CHRNA5: variants seen among roughly 807,000 people sequenced by gnomAD.
CHRNA5 encodes the protein cholinergic receptor nicotinic alpha 5 subunit, also known as neuronal acetylcholine receptor subunit alpha-5.
Under a neutral mutation model 41.2 loss-of-function variants are expected in CHRNA5, and 28 were observed. The observed-to-expected ratio is 0.68, with a 90% CI of 0.50 to 0.93. The LOEUF is 0.93. Ranked by LOEUF, CHRNA5 falls within the 40% of genes least tolerant of loss-of-function variation. CHRNA5 has a pLI of 0.00. For synonymous variants in CHRNA5, 188 were observed against 205.8 expected (o/e 0.91, Z 0.74); for missense variants, 481 against 581.9 (o/e 0.83, Z 1.78).
At chr15:78,593,195 T>C (rs1456048111) in exon 6 of CHRNA5, 1 of 1,613,750 alleles carries the variant, frequency 6.2e-7, no homozygotes, top group South Asian at 1.1e-5. Context: ...TTTGTTCCTG[T>C]TATTTATAAA....
chr15:78,569,680 G>T (rs1446413808), intron 1 of CHRNA5, among the ~76,000 whole-genome samples: 3 of 152,046 alleles, frequency 2.0e-5, no homozygotes, highest in Non-Finnish European at 4.4e-5. Context: ...TGACCCGCCC[G>T]CCTCGGCGTC....
chr15:78,575,626 C>T (rs1418057129), intron 1 of CHRNA5, among the ~76,000 whole-genome samples: 1 of 152,156 alleles, frequency 6.6e-6, no homozygotes, highest in African/African-American at 2.4e-5. Flanking sequence ...TGTCTGGAGA[C>T]AGTCTTTGTT....
exon 5 of CHRNA5, chr15:78,590,138 G>C: frequency 6.2e-7 from 1 of 1,614,176 alleles, no homozygotes; most frequent in Non-Finnish European, 8.5e-7. Context: ...TCAAGCGCCT[G>C]CCTCTCTTTT....
intron 1 of CHRNA5, among the ~76,000 whole-genome samples, chr15:78,578,522 AAAAT>A (rs932708242): frequency 6.6e-6 from 1 of 152,228 alleles, no homozygotes; most frequent in Non-Finnish European, 1.5e-5. Context: ...AAATAAATAA[AAAAT>A]AAATAATTTT....
chr15:78,572,196 A>G (rs997086604), intron 1 of CHRNA5, among the ~76,000 whole-genome samples: 2 of 152,220 alleles, frequency 1.3e-5, no homozygotes, highest in African/African-American at 4.8e-5. Flanking sequence ...AGCACCTAGC[A>G]AGATTTAAAA....
chr15:78,585,984 G>A (rs956274253), intron 2 of CHRNA5, among the ~76,000 whole-genome samples: 4 of 151,546 alleles, frequency 2.6e-5, no homozygotes, highest in Non-Finnish European at 4.4e-5. Flanking sequence ...AGTGGAGATG[G>A]GGTTTCACTA....
At chr15:78,593,488 G>A in exon 6 of CHRNA5, 1 of 303,258 alleles carries the variant, frequency 3.3e-6, no homozygotes, top group South Asian at 9.7e-5. Context: ...TATCTGAACT[G>A]GACTAGTGAA....
chr15:78,575,698 G>A (rs988438095), intron 1 of CHRNA5, among the ~76,000 whole-genome samples: 3 of 151,794 alleles, frequency 2.0e-5, no homozygotes, highest in African/African-American at 7.3e-5. Context: ...ACCCTGTGCT[G>A]GCACTTATAT....
intron 1 of CHRNA5, among the ~76,000 whole-genome samples, chr15:78,573,963 AT>A (rs979485573): frequency 0.03 from 3,063 of 101,990 alleles, 21 homozygotes; most frequent in Non-Finnish European, 0.045. Flanking sequence ...CGCCTGGCTA[AT>A]TTTTTTTTTT....
chr15:78,592,349 G>C (rs568812356), intron 5 of CHRNA5, among the ~76,000 whole-genome samples: 1 of 152,162 alleles, frequency 6.6e-6, no homozygotes, highest in South Asian at 2.1e-4. Flanking sequence ...GAAGTAACAG[G>C]GTTTACAATG....
chr15:78,590,868 A>G (rs2053006833), intron 5 of CHRNA5: 3 of 510,352 alleles, frequency 5.9e-6, no homozygotes, highest in South Asian at 5.2e-5. Flanking sequence ...TTCCCCCATC[A>G]GCATCTTGGA....
chr15:78,567,572 C>T (rs572463686), intron 1 of CHRNA5, among the ~76,000 whole-genome samples: 1 of 152,312 alleles, frequency 6.6e-6, no homozygotes, highest in South Asian at 2.1e-4. Flanking sequence ...CTCATAATAA[C>T]CATCTGGTTC....
intron 2 of CHRNA5, among the ~76,000 whole-genome samples, chr15:78,583,779 TA>T (rs1244567697): frequency 6.6e-6 from 1 of 152,188 alleles, no homozygotes; most frequent in Non-Finnish European, 1.5e-5. Context: ...TTTGAGGTGT[TA>T]ATTCCAAAGA....
At position 78,586,626 on chromosome 15, in the gene CHRNA5, A is replaced by C. The variant is rs56257539; in HGVS notation, c.259-19A>C. ...TCTGTAATTGAAATCAATCTTATTT[A>C]AATTTTTATTTTTTAAAGGATGAGA... On this transcript the variant is annotated intron_variant, in intron 2 of 5. Transcript: ENST00000299565. The C allele has an allele frequency of 1.4e-6, 2 of 1,415,834 alleles. No homozygotes were observed. Among genetic ancestry groups the C allele is most frequent in the Non-Finnish European group, 2.0e-6 (2 of 1,018,812 alleles). The allele number at this position is 1,415,834 out of a possible 1,614,324, so 87.7% of individuals were successfully genotyped here.
At chr15:78,585,753 C>G (rs927653091) in intron 2 of CHRNA5, among the ~76,000 whole-genome samples, 4 of 88,282 alleles carry the variant, frequency 4.5e-5, no homozygotes, top group Non-Finnish European at 6.6e-5. Context: ...TTCAAGGCTG[C>G]CAATATTTTT....
chr15:78,592,686 C>A (rs1275992924), intron 5 of CHRNA5, among the ~76,000 whole-genome samples: 1 of 152,170 alleles, frequency 6.6e-6, no homozygotes, highest in Admixed American at 6.5e-5. Flanking sequence ...TTATTCTGAA[C>A]CAACTTTTAA....
At chr15:78,581,323 TAG>T (rs1301253209) in intron 2 of CHRNA5, among the ~76,000 whole-genome samples, 5 of 152,180 alleles carry the variant, frequency 3.3e-5, no homozygotes, top group Admixed American at 6.5e-5. Flanking sequence ...AGTCCAAAAA[TAG>T]AGTGATAGAT....
intron 4 of CHRNA5, chr15:78,589,513 G>A (rs1359410248): frequency 6.6e-6 from 2 of 300,848 alleles, no homozygotes; most frequent in South Asian, 7.5e-5. Flanking sequence ...AGTCTATTCT[G>A]TGTGTAAGGT....
At chr15:78,586,491 GA>G (rs1318266352) in intron 2 of CHRNA5, among the ~76,000 whole-genome samples, 153 bp from the exon 3 acceptor site, 6 of 152,354 alleles carry the variant, frequency 3.9e-5, no homozygotes, top group African/African-American at 1.4e-4. Context: ...TAGGCTGGAA[GA>G]AAGATCCTAG....
Sources: gnomAD v4.1 joint callset for allele counts (sites outside exome capture counted in the v4.1 genomes callset) on GRCh38, gnomAD v4.1.1 for gene constraint, MANE v1.5 for transcripts, NCBI Gene and HGNC (gene_info 2026-07-23, HGNC 2026-07-21) for gene names.